Variants in TRPM3 observed in about 807,000 individuals in gnomAD.
TRPM3 encodes long transient receptor potential channel 3.
In TRPM3, 77 loss-of-function variants were observed where a neutral mutation model predicts 181.2. The ratio of observed to expected loss-of-function variants is 0.42; its 90% CI spans 0.35 to 0.51. The LOEUF is 0.51. Ranked by LOEUF, TRPM3 falls within the 20% of genes least tolerant of loss-of-function variation. The pLI, the probability that TRPM3 is intolerant of heterozygous loss-of-function variation, is 0.01. For synonymous variants in TRPM3, 745 were observed against 796.4 expected (o/e 0.94, Z 1.09); for missense variants, 1,759 against 2,196.7 (o/e 0.80, Z 3.98).
At chr9:70,807,357 T>C (rs1255603827) in intron 6 of TRPM3, among the ~76,000 whole-genome samples, 1 of 152,238 alleles carries the variant, frequency 6.6e-6, no homozygotes, top group Non-Finnish European at 1.5e-5. Context: ...CACAGTCAAC[T>C]TTCTCAGACT....
chr9:70,804,612 C>T (rs2090187209), intron 6 of TRPM3, among the ~76,000 whole-genome samples: 1 of 152,126 alleles, frequency 6.6e-6, no homozygotes, highest in African/African-American at 2.4e-5. Context: ...CCTTCTTCCT[C>T]TTCTTTGCTA....
chr9:70,700,689 G>T (rs2072233714), intron 8 of TRPM3, among the ~76,000 whole-genome samples: 1 of 152,136 alleles, frequency 6.6e-6, no homozygotes. Context: ...TATACCAGAT[G>T]AAAAAAATAG....
rs1321950148 is a variant in TRPM3, at chr9:70,625,851, T to C, written c.1633-334A>G. On this transcript the variant is annotated intron_variant, in intron 12 of 25. Transcript: ENST00000677713. The surrounding 1 kb of genome is among the most constrained non-coding windows in gnomAD (Gnocchi z 4.8). ...ATCAGCTGGGATTTTAGGACTCGGGTCTCCTTTAATACAAAACCTCTATCC... is the reference window on the plus strand; with the variant it reads ...ATCAGCTGGGATTTTAGGACTCGGGCCTCCTTTAATACAAAACCTCTATCC... Among the ~76,000 whole-genome samples, 2 of 152,142 alleles carry C rather than the reference T, an allele frequency of 1.3e-5. No homozygotes were observed. The highest frequency in any genetic ancestry group is 4.8e-5 in the African/African-American group (2 of 41,408).
At chr9:71,079,834 A>C (rs532800061) in intron 1 of TRPM3, among the ~76,000 whole-genome samples, 2 of 152,234 alleles carry the variant, frequency 1.3e-5, no homozygotes, top group African/African-American at 4.8e-5. Context: ...CATTACCCCC[A>C]GTGGTCTTCT....
intron 1 of TRPM3, among the ~76,000 whole-genome samples, chr9:71,023,084 A>G (rs1290717199): frequency 1.8e-4 from 27 of 152,168 alleles, no homozygotes; most frequent in Admixed American, 1.8e-3. Flanking sequence ...ATATTTGCAC[A>G]CCTCATATCT....
intron 1 of TRPM3, among the ~76,000 whole-genome samples, chr9:70,886,728 A>G (rs113089911): frequency 0.038 from 5,697 of 151,812 alleles, 165 homozygotes; most frequent in African/African-American, 0.066. Flanking sequence ...GTAATGGCAC[A>G]ATCTCAGCTC....
chr9:70,752,004 G>GTA (rs1554685671), intron 8 of TRPM3, among the ~76,000 whole-genome samples: 24,898 of 110,994 alleles, frequency 0.22, 2,205 homozygotes, highest in African/African-American at 0.3. Context: ...TCAACAGTGT[G>GTA]TGTGTGTGTG....
chr9:70,861,208 A>T lies in TRPM3; in HGVS notation c.462+1700T>A, dbSNP rs575642812. Among the ~76,000 whole-genome samples, 4 of 152,310 alleles carry T rather than the reference A, an allele frequency of 2.6e-5. No individual in the cohort carries two copies. The South Asian group carries it at 6.2e-4, about 24-fold the overall frequency. ...AGGTACTTCTGATTCATTTTCCATT[A>T]AAACTATCATTTGATGAAAATACAG... is the stretch of plus-strand genomic sequence containing the variant. On this transcript the variant is annotated intron_variant, in intron 3 of 25. Coordinates refer to ENST00000677713, the MANE Select transcript of TRPM3 (RefSeq NM_001366145.2).
At chr9:71,122,372 A>C (rs1018851716), upstream of TRPM3, among the ~76,000 whole-genome samples, 1 of 152,228 alleles carries the variant, frequency 6.6e-6, no homozygotes, top group Non-Finnish European at 1.5e-5. Flanking sequence ...AATTTCACAT[A>C]GTAAGTTGGG....
At chr9:70,971,026 C>T (rs907212702) in intron 1 of TRPM3, among the ~76,000 whole-genome samples, 1 of 152,146 alleles carries the variant, frequency 6.6e-6, no homozygotes, top group Admixed American at 6.5e-5. Context: ...TTTCTTATCC[C>T]ACTCGCTGTT....
rs1007601081 is a variant in TRPM3, at chr9:71,446,521, C to T, written c.183+132G>A. ...CCTCACAGCCCCCAGCACTCTATTT[C>T]ATTAGAAGCGGCGCCACAAGTTCCC... On this transcript the variant is annotated intron_variant, in intron 1 of 24. Coordinates refer to the TRPM3 transcript ENST00000357533. The T allele has an allele frequency of 6.7e-5, 62 of 927,650 alleles. 1 individual carries two copies. In the Middle Eastern group the frequency reaches 2.2e-3, roughly 33 times the overall value. 57.5% of individuals were successfully genotyped at this position (927,650 alleles called of 1,614,324 possible).
chr9:71,148,094 A>G (rs1587650673), intron 1 of TRPM3, among the ~76,000 whole-genome samples: 1 of 123,056 alleles, frequency 8.1e-6, no homozygotes, highest in Non-Finnish European at 1.8e-5. Flanking sequence ...AGTAGTGTAA[A>G]AGAATTTTCT....
At chr9:71,437,173 T>C (rs183855579) in intron 1 of TRPM3, among the ~76,000 whole-genome samples, 2 of 152,302 alleles carry the variant, frequency 1.3e-5, no homozygotes, top group Admixed American at 1.3e-4. Flanking sequence ...ACATGAATTA[T>C]AACTCAGAAT....
intron 1 of TRPM3, among the ~76,000 whole-genome samples, chr9:71,417,708 T>C (rs1336497964): frequency 6.6e-6 from 1 of 151,976 alleles, no homozygotes; most frequent in Non-Finnish European, 1.5e-5. Flanking sequence ...CCATTCTGGG[T>C]TCTTTTATTA....
rs2096713005 is a variant in TRPM3, at chr9:70,925,592, C to A, written c.178-61081G>T. On this transcript the variant is annotated intron_variant, in intron 1 of 25. Coordinates refer to ENST00000677713, the MANE Select transcript of TRPM3 (RefSeq NM_001366145.2). Reference sequence around the variant, plus strand: ...CAGAATATGGAATATATATATATATCTCCTCCTGTCTATTCACAGCTCCAA... The same window carrying A: ...CAGAATATGGAATATATATATATATATCCTCCTGTCTATTCACAGCTCCAA... Among the ~76,000 whole-genome samples the A allele has an allele frequency of 2.6e-5, 4 of 151,638 alleles. No homozygotes were observed. In the South Asian group the frequency reaches 8.3e-4, roughly 32 times the overall value.
At chr9:70,678,674 A>AT (rs2064656285) in intron 9 of TRPM3, among the ~76,000 whole-genome samples, 1 of 152,190 alleles carries the variant, frequency 6.6e-6, no homozygotes, top group Non-Finnish European at 1.5e-5. Flanking sequence ...TCTCTCAGAA[A>AT]TTTCTCAGAT....
At chr9:71,427,070 T>G (rs2093877032) in intron 1 of TRPM3, among the ~76,000 whole-genome samples, 1 of 152,200 alleles carries the variant, frequency 6.6e-6, no homozygotes, top group Non-Finnish European at 1.5e-5. Flanking sequence ...ACAAATTCAC[T>G]AAAACCACAA....
chr9:70,815,507 T>C (rs1299456913), intron 6 of TRPM3, among the ~76,000 whole-genome samples: 1 of 152,180 alleles, frequency 6.6e-6, no homozygotes, highest in Non-Finnish European at 1.5e-5. Flanking sequence ...ATATACATAA[T>C]GACACTCAAT....
intron 1 of TRPM3, among the ~76,000 whole-genome samples, chr9:71,276,832 GA>G (rs1278123350): frequency 1.3e-5 from 2 of 152,018 alleles, no homozygotes; most frequent in African/African-American, 4.8e-5. Context: ...TATGTACCAG[GA>G]AATATGCATG....
Sources: allele counts gnomAD v4.1 joint callset (sites outside exome capture counted in the v4.1 genomes callset), GRCh38; gene constraint gnomAD v4.1.1; non-coding constraint Gnocchi (gnomAD v3.1); transcripts MANE v1.5; gene names NCBI Gene and HGNC (gene_info 2026-07-23, HGNC 2026-07-21).